PCDHA8: variants seen among roughly 807,000 people sequenced by gnomAD.
The protein encoded by PCDHA8 is protocadherin alpha-8.
PCDHA8 carries 53 observed loss-of-function variants against 61.8 expected under a neutral mutation model. The ratio of observed to expected loss-of-function variants is 0.86; its 90% confidence interval spans 0.69 to 1.08. The LOEUF (loss-of-function observed/expected upper bound fraction) is 1.08. Among genes scored for constraint, PCDHA8 ranks in the 50% least tolerant of loss-of-function variants. The probability of loss-of-function intolerance (pLI) is 0.00; values close to 1 mark genes in which losing one functional copy is unlikely to be tolerated. For missense variants in PCDHA8, 1,293 were observed against 1,245.0 expected, an observed-to-expected ratio of 1.04 and a Z score of -0.58; for synonymous variants, 618 against 556.6, an observed-to-expected ratio of 1.11 and a Z score of -1.55.
At chr5:140,878,451 T>A (rs2057595888) in intron 1 of PCDHA8, among the ~76,000 whole-genome samples, 1 of 152,250 alleles carries the variant, frequency 6.6e-6, no homozygotes, top group Non-Finnish European at 1.5e-5. Context: ...CTTATTTACA[T>A]GAAATATAAT....
chr5:140,863,288 A>G, intron 1 of PCDHA8: 1 of 1,462,142 alleles, frequency 6.8e-7, no homozygotes, highest in South Asian at 1.1e-5. Context: ...GTCAACGTGT[A>G]CCTGATCATC....
At chr5:140,879,229 T>C (rs1415984062) in intron 1 of PCDHA8, among the ~76,000 whole-genome samples, 2 of 152,102 alleles carry the variant, frequency 1.3e-5, no homozygotes, top group African/African-American at 2.4e-5. Context: ...AAAAGACATA[T>C]ACAAGAGGCA....
chr5:140,948,528 T>C (rs1234543318), intron 1 of PCDHA8, among the ~76,000 whole-genome samples: 1 of 151,686 alleles, frequency 6.6e-6, no homozygotes, highest in Non-Finnish European at 1.5e-5. Context: ...ACTATTTATA[T>C]TTTATTTCAT....
intron 3 of PCDHA8, among the ~76,000 whole-genome samples, chr5:140,984,647 G>C (rs1169327185): frequency 6.6e-6 from 1 of 152,102 alleles, no homozygotes; most frequent in Non-Finnish European, 1.5e-5. Flanking sequence ...CCTTCTCCCT[G>C]TCCTTCTGGT....
At chr5:140,969,180 C>T in intron 1 of PCDHA8, 1 of 1,614,110 alleles carries the variant, frequency 6.2e-7, no homozygotes, top group Non-Finnish European at 8.5e-7. Context: ...GGGAGTGACA[C>T]TTTCATGTTT....
intron 1 of PCDHA8, among the ~76,000 whole-genome samples, chr5:140,921,683 C>T (rs1554200360): frequency 6.6e-6 from 1 of 152,154 alleles, no homozygotes; most frequent in East Asian, 1.9e-4. Flanking sequence ...TCATCAAACA[C>T]TGGCCACCTC....
chr5:140,992,841 A>G (rs1351149915), intron 3 of PCDHA8, among the ~76,000 whole-genome samples: 2 of 152,188 alleles, frequency 1.3e-5, no homozygotes, highest in African/African-American at 2.4e-5. Flanking sequence ...AACATTTTGT[A>G]TAACAACCAG....
intron 1 of PCDHA8, among the ~76,000 whole-genome samples, chr5:140,941,768 T>C (rs576405772): frequency 2.6e-5 from 4 of 152,254 alleles, no homozygotes; most frequent in Non-Finnish European, 5.9e-5. Context: ...TTTAAGATAA[T>C]TGTTTTAATG....
At chr5:140,874,217 A>G (rs2054785474) in intron 1 of PCDHA8, among the ~76,000 whole-genome samples, 1 of 152,214 alleles carries the variant, frequency 6.6e-6, no homozygotes, top group African/African-American at 2.4e-5. Flanking sequence ...TATTATATGC[A>G]GTAGGAATGA....
intron 1 of PCDHA8, among the ~76,000 whole-genome samples, chr5:140,960,355 A>G (rs1489344440): frequency 6.6e-6 from 1 of 152,222 alleles, no homozygotes; most frequent in Admixed American, 6.5e-5. Flanking sequence ...ATGTACTGAA[A>G]TAATATGCCA....
intron 1 of PCDHA8, chr5:140,871,538 A>G: frequency 6.6e-7 from 1 of 1,507,314 alleles, no homozygotes; most frequent in Non-Finnish European, 8.9e-7. Context: ...TGTATGTGAA[A>G]TTATTTAAAA....
At chr5:140,927,827 C>T (rs1554205116) in intron 1 of PCDHA8, 2 of 1,614,100 alleles carry the variant, frequency 1.2e-6, no homozygotes, top group South Asian at 2.2e-5. Flanking sequence ...TACATTGAGG[C>T]GAGGGACGAA....
intron 1 of PCDHA8, among the ~76,000 whole-genome samples, chr5:140,961,220 G>T (rs2095597952): frequency 6.6e-6 from 1 of 152,032 alleles, no homozygotes; most frequent in Non-Finnish European, 1.5e-5. Flanking sequence ...GAAGAAACTG[G>T]GTCCCAAAAA....
intron 1 of PCDHA8, chr5:140,871,628 T>C: frequency 7.1e-7 from 1 of 1,401,496 alleles, no homozygotes; most frequent in South Asian, 1.5e-5. Flanking sequence ...GATAACAATG[T>C]CTGTTCATAA....
chr5:140,843,191 G>C lies in PCDHA8; in HGVS notation c.1870G>C (p.Val624Leu), dbSNP rs1201499380. 28 of 1,595,928 alleles carry C rather than the reference G, an allele frequency of 1.8e-5. 6 individuals are homozygous for C. Among genetic ancestry groups the C allele is most frequent in the Middle Eastern group, 1.7e-4 (1 of 6,014 alleles). Residue 624 changes from valine (V) to leucine (L), a missense_variant, in exon 1 of 4, where the codon GTG becomes CTG. By Grantham distance (32) the Val-to-Leu change is conservative. Transcript: ENST00000531613. ...AAGCAGCCCTCGCATCCCGTTCCGC[G>C]TGGGGCTGTACACGGGCGAGATCAG... ...AASSPRIPFR[V>L]GLYTGEISTT...
Position 140,925,039 on chromosome 5 carries a change from A to C in PCDHA8, c.2395-53910A>C, listed in dbSNP as rs554229960. ...GATGGGAGGATCGCTTGAGCCCAGA[A>C]GTTTGAGACCAGACTGGGCAACAAA... On this transcript the variant is annotated intron_variant, in intron 1 of 3. Coordinates refer to ENST00000531613, the MANE Select transcript of PCDHA8 (RefSeq NM_018911.3). Among the ~76,000 whole-genome samples the C allele has an allele frequency of 1.1e-4, 16 of 152,028 alleles. 1 individual carries two copies. The highest frequency in any genetic ancestry group is 1.6e-4 in the Non-Finnish European group (11 of 67,960).
intron 1 of PCDHA8, chr5:140,853,670 T>G: frequency 1.0e-6 from 1 of 988,378 alleles, no homozygotes; most frequent in Non-Finnish European, 1.2e-6. Flanking sequence ...AATTGGGGCC[T>G]ATGGTCAACC....
At chr5:140,945,760 G>T (rs2093839081) in intron 1 of PCDHA8, among the ~76,000 whole-genome samples, 2 of 152,154 alleles carry the variant, frequency 1.3e-5, no homozygotes, top group East Asian at 1.9e-4. Flanking sequence ...AAATGGTGGT[G>T]GGACAATTTG....
rs573633705 is a variant in PCDHA8, at chr5:140,978,668, C to T, written c.2395-281C>T. ...TGTTCTTCCCGTAGTGTTTTAAGAACACAGACATGTATTGGGCAAGGCAAA... is the reference window on the plus strand; with the variant it reads ...TGTTCTTCCCGTAGTGTTTTAAGAATACAGACATGTATTGGGCAAGGCAAA... On this transcript the variant is annotated intron_variant, in intron 1 of 3. Coordinates refer to ENST00000531613, the MANE Select transcript of PCDHA8 (RefSeq NM_018911.3). 4.6e-5 allele frequency among the ~76,000 whole-genome samples: 7 copies of T among 152,362 alleles called. No homozygotes were observed. The East Asian group carries it at 1.3e-3, about 29-fold the overall frequency.
Sources: gnomAD v4.1 joint callset for allele counts (sites outside exome capture counted in the v4.1 genomes callset) on GRCh38, gnomAD v4.1.1 for gene constraint, MANE v1.5 for transcripts, NCBI Gene and HGNC (gene_info 2026-07-23, HGNC 2026-07-21) for gene names.